SNX29: variants seen among roughly 807,000 people sequenced by gnomAD.
The protein encoded by SNX29 is sorting nexin-29.
A neutral mutation model predicts 102.1 loss-of-function variants in SNX29; 78 were observed. That is an observed-to-expected ratio of 0.76 (90% CI 0.64 to 0.92). The LOEUF (loss-of-function observed/expected upper bound fraction) is 0.92. SNX29 is among the 40% of genes least tolerant of loss of function. SNX29 has a pLI of 0.00. For synonymous variants in SNX29, 580 were observed against 414.5 expected (o/e 1.40, Z -4.85); for missense variants, 1,280 against 1,061.7 (o/e 1.21, Z -2.86).
chr16:12,296,588 T>C (rs2079988958), intron 15 of SNX29, among the ~76,000 whole-genome samples: 1 of 152,242 alleles, frequency 6.6e-6, no homozygotes, highest in Non-Finnish European at 1.5e-5. Context: ...AACATGGTTG[T>C]GTGTCAATAA....
At chr16:11,983,654 C>A (rs2055480269) in intron 1 of SNX29, 4 of 985,218 alleles carry the variant, frequency 4.1e-6, no homozygotes, top group African/African-American at 1.7e-5. Context: ...TAGCAACTGG[C>A]GATGGACTAG....
chr16:12,186,220 A>G (rs898271576), intron 13 of SNX29, among the ~76,000 whole-genome samples: 20 of 152,056 alleles, frequency 1.3e-4, no homozygotes, highest in African/African-American at 4.6e-4. Flanking sequence ...TTCTAAAGGA[A>G]CTTCTTTTTT....
intron 15 of SNX29, among the ~76,000 whole-genome samples, chr16:12,328,936 A>G (rs2081208140): frequency 6.6e-6 from 1 of 152,010 alleles, no homozygotes; most frequent in African/African-American, 2.4e-5. Flanking sequence ...TCAGTTTCCT[A>G]TCTTGGCTTC....
chr16:12,076,402 G>A (rs1045555643), intron 10 of SNX29, among the ~76,000 whole-genome samples: 2 of 151,652 alleles, frequency 1.3e-5, no homozygotes, highest in African/African-American at 4.9e-5. Flanking sequence ...CTGGGTTCAA[G>A]TGATTCTCCT....
intron 20 of SNX29, among the ~76,000 whole-genome samples, chr16:12,551,673 T>C (rs563242036): frequency 2.4e-4 from 36 of 152,200 alleles, no homozygotes; most frequent in Non-Finnish European, 5.3e-4. Flanking sequence ...TCCTGTGCAG[T>C]AGGATAAAAG....
At chr16:12,541,500 C>T (rs1337825774) in intron 20 of SNX29, among the ~76,000 whole-genome samples, 1 of 152,164 alleles carries the variant, frequency 6.6e-6, no homozygotes, top group South Asian at 2.1e-4. Flanking sequence ...CCTCTGTGAT[C>T]TGAGTCCCAA....
At chr16:12,361,021 A>G (rs2082284981) in intron 16 of SNX29, among the ~76,000 whole-genome samples, 1 of 152,160 alleles carries the variant, frequency 6.6e-6, no homozygotes, top group South Asian at 2.1e-4. Context: ...CCCTTACGGT[A>G]CCCATTTCCA....
At chr16:12,206,418 T>C (rs2077045661) in intron 14 of SNX29, among the ~76,000 whole-genome samples, 1 of 146,394 alleles carries the variant, frequency 6.8e-6, no homozygotes, top group Non-Finnish European at 1.5e-5. Flanking sequence ...TGATTTAGAA[T>C]GTTTGCAGAT....
At chr16:12,549,657 T>G (rs907873880) in intron 20 of SNX29, among the ~76,000 whole-genome samples, 1 of 152,202 alleles carries the variant, frequency 6.6e-6, no homozygotes, top group Admixed American at 6.5e-5. Flanking sequence ...CGAAACCAGC[T>G]TGAGGCAGTC....
chr16:12,293,978 G>C (rs2079892210), intron 15 of SNX29, among the ~76,000 whole-genome samples: 1 of 152,186 alleles, frequency 6.6e-6, no homozygotes, highest in Non-Finnish European at 1.5e-5. Context: ...ACTGAGGTGT[G>C]GTGTGCTTAC....
Position 12,568,694 on chromosome 16 carries a change from C to G in SNX29, c.*65C>G. The G allele has an allele frequency of 6.3e-7, 1 of 1,575,806 alleles. No individual in the cohort carries two copies. Among genetic ancestry groups the G allele is most frequent in the South Asian group, 1.1e-5 (1 of 88,540 alleles). ...CAGCTGCGTCCACCCCAGCCACTGC[C>G]GCTGGCCCCTCACCTCAGCGTGACA... On this transcript the variant is annotated 3_prime_UTR_variant, in exon 21 of 21. Transcript: ENST00000566228.
chr16:12,300,669 T>C (rs983619775), intron 15 of SNX29, among the ~76,000 whole-genome samples: 3 of 152,216 alleles, frequency 2.0e-5, no homozygotes, highest in African/African-American at 7.2e-5. Flanking sequence ...TAACCCTGAC[T>C]TCTCTTTGAG....
intron 15 of SNX29, among the ~76,000 whole-genome samples, chr16:12,306,227 A>T (rs939233815): frequency 3.3e-5 from 5 of 152,162 alleles, no homozygotes; most frequent in African/African-American, 1.2e-4. Flanking sequence ...ATATAGAAAG[A>T]GTTGCATCGA....
intron 14 of SNX29, among the ~76,000 whole-genome samples, chr16:12,240,532 T>C (rs1185859883): frequency 6.6e-6 from 1 of 151,892 alleles, no homozygotes; most frequent in Non-Finnish European, 1.5e-5. Context: ...CTTTTAGATG[T>C]TTTTTGATGC....
chr16:12,303,212 G>A (rs968540412), intron 15 of SNX29, among the ~76,000 whole-genome samples: 2 of 152,096 alleles, frequency 1.3e-5, no homozygotes, highest in African/African-American at 2.4e-5. Flanking sequence ...AAAATAATTA[G>A]TTTGACCAAT....
rs186366435 is a variant in SNX29 at position 12,212,070 on chromosome 16, C to T, written c.1678+12387C>T. ...TGAAGTTTATTCTCTCAGACGTGTTCTAGGGATAGTGTATGTTGCCTCTCC... is the reference window on the plus strand; with the variant it reads ...TGAAGTTTATTCTCTCAGACGTGTTTTAGGGATAGTGTATGTTGCCTCTCC... On this transcript the variant is annotated intron_variant, in intron 14 of 20. Coordinates refer to ENST00000566228, the MANE Select transcript of SNX29 (RefSeq NM_032167.5). Among the ~76,000 whole-genome samples the T allele has an allele frequency of 4.8e-3, 737 of 152,108 alleles. 4 individuals carry two copies. Among genetic ancestry groups the T allele is most frequent in the Middle Eastern group, 0.01 (3 of 294 alleles).
At chr16:12,333,516 A>T (rs1422805069) in intron 15 of SNX29, among the ~76,000 whole-genome samples, 1 of 152,144 alleles carries the variant, frequency 6.6e-6, no homozygotes. Context: ...CATCTGATCA[A>T]TGATCAGTAT....
chr16:12,283,654 G>A (rs1204479511), intron 15 of SNX29, among the ~76,000 whole-genome samples: 1 of 152,200 alleles, frequency 6.6e-6, no homozygotes, highest in Non-Finnish European at 1.5e-5. Context: ...TCATCTGTGA[G>A]TTGCATTAGC....
rs1230422238 is a variant in SNX29 at position 12,362,555 on chromosome 16, CCCCCCCA to C, written c.1899+6283_1899+6289del. ...CAGAAGGATTTTGGCTGCTGCACTC[CCCCCCCA>C]CCCCCCCCCCCACCAGTTTCTCCTC... On this transcript the variant is annotated intron_variant, in intron 16 of 20. Transcript: ENST00000566228. Among the ~76,000 whole-genome samples, 81 of 21,512 alleles carry C rather than the reference CCCCCCCA, an allele frequency of 3.8e-3. 2 individuals are homozygous for C. Among genetic ancestry groups the C allele is most frequent in the African/African-American group, 9.3e-3 (70 of 7,534 alleles). The allele number at this position is 21,512 out of a possible 152,430, so 14.1% of individuals were successfully genotyped here.
Sources: gnomAD v4.1 joint callset for allele counts (sites outside exome capture counted in the v4.1 genomes callset) on GRCh38, gnomAD v4.1.1 for gene constraint, MANE v1.5 for transcripts, NCBI Gene and HGNC (gene_info 2026-07-23, HGNC 2026-07-21) for gene names.